LCLAT1: variants seen among roughly 807,000 people sequenced by gnomAD.
LCLAT1 encodes the protein 1-AGP acyltransferase 8.
In LCLAT1, 11 loss-of-function variants were observed where a neutral mutation model predicts 30.7. The ratio of observed to expected loss-of-function variants is 0.36; its 90% CI spans 0.23 to 0.59. LCLAT1 has a LOEUF of 0.59. Among genes scored for constraint, LCLAT1 ranks in the 20% least tolerant of loss-of-function variants. The pLI is 0.77. For missense variants in LCLAT1, 402 were observed against 458.6 expected, an observed-to-expected ratio of 0.88 and a Z score of 1.13; for synonymous variants, 155 against 151.3, an observed-to-expected ratio of 1.02 and a Z score of -0.18.
rs555286427 is a variant in LCLAT1, at chr2:30,623,638, G to C, written c.629-16479G>C. Among the ~76,000 whole-genome samples the C allele has an allele frequency of 3.9e-5, 6 of 152,068 alleles. No homozygotes were observed. In the East Asian group the frequency reaches 1.2e-3, roughly 29 times the overall value. On this transcript the variant is annotated intron_variant, in intron 5 of 5. Coordinates refer to ENST00000379509, the MANE Select transcript of LCLAT1 (RefSeq NM_001002257.3). ...GATTATGTTAAACAACAAAACCTAA[G>C]AAAAATTGGTGTTCCCAAGGAAGGG...
intron 5 of LCLAT1, among the ~76,000 whole-genome samples, chr2:30,632,838 C>T (rs1668833976): frequency 6.6e-6 from 1 of 152,178 alleles, no homozygotes. Context: ...CCTGACTGCA[C>T]CTTTTGTTCC....
intron 1 of LCLAT1, among the ~76,000 whole-genome samples, chr2:30,492,869 G>A (rs1683900907): frequency 6.6e-6 from 1 of 152,060 alleles, no homozygotes; most frequent in Non-Finnish European, 1.5e-5. Context: ...ATTTTGCACT[G>A]ACTCTGTGAA....
chr2:30,493,674 C>G (rs1683952008), intron 1 of LCLAT1, among the ~76,000 whole-genome samples: 1 of 152,278 alleles, frequency 6.6e-6, no homozygotes, highest in Non-Finnish European at 1.5e-5. Flanking sequence ...CCTTTACTGC[C>G]ACATTCTCTC....
intron 3 of LCLAT1, among the ~76,000 whole-genome samples, chr2:30,543,894 T>A (rs992454859): frequency 1.6e-4 from 25 of 152,242 alleles, no homozygotes; most frequent in South Asian, 2.1e-4. Context: ...TTTTACTGAT[T>A]TCTATTCTTA....
chr2:30,575,213 A>T lies in LCLAT1; in HGVS notation c.628+7037A>T, dbSNP rs188169870. ...GGAGTTCCCTCTTCTTATTCTCATC[A>T]TACTCTATACATTTCTGTTAATAAC... On this transcript the variant is annotated intron_variant, in intron 5 of 5. Coordinates refer to ENST00000379509, the MANE Select transcript of LCLAT1 (RefSeq NM_001002257.3). Among the ~76,000 whole-genome samples the T allele has an allele frequency of 2.0e-5, 3 of 151,538 alleles. No individual in the cohort carries two copies. In the East Asian group the frequency reaches 5.8e-4, roughly 29 times the overall value.
chr2:30,615,964 C>T (rs1181511181), intron 5 of LCLAT1, among the ~76,000 whole-genome samples: 1 of 152,168 alleles, frequency 6.6e-6, no homozygotes, highest in African/African-American at 2.4e-5. Flanking sequence ...AGACCCTTCC[C>T]TACCTTGGAA....
At chr2:30,461,067 T>C (rs1385783073) in intron 1 of LCLAT1, among the ~76,000 whole-genome samples, 2 of 152,230 alleles carry the variant, frequency 1.3e-5, no homozygotes, top group Non-Finnish European at 2.9e-5. Flanking sequence ...CTTTCACTGA[T>C]TTCTGTGAGA....
In LCLAT1 at chr2:30,611,247, G is replaced by A. The variant is rs555685060; in HGVS notation, c.629-28870G>A. ...CTATGTGAACATGATAAAGCTACAT[G>A]AATTAATTCTATGAAACCAAAGCAT... On this transcript the variant is annotated intron_variant, in intron 5 of 5. Transcript: ENST00000379509. 9.9e-5 allele frequency among the ~76,000 whole-genome samples: 15 copies of A among 151,964 alleles called. No individual in the cohort carries two copies. The East Asian group carries it at 2.9e-3, about 29-fold the overall frequency.
intron 5 of LCLAT1, among the ~76,000 whole-genome samples, chr2:30,572,862 T>C (rs1462630865): frequency 3.3e-5 from 5 of 152,064 alleles, no homozygotes; most frequent in South Asian, 2.1e-4. Flanking sequence ...CCTCCATTTC[T>C]CTAATCTTTA....
chr2:30,640,401 C>T lies in LCLAT1; in HGVS notation c.913C>T (p.Leu305Phe). The change falls in exon 6 of 6, where the codon CTT (leucine) becomes TTT (phenylalanine). Residue 305 changes from leucine (L) to phenylalanine (F), a missense_variant. By Grantham distance (22) the Leu-to-Phe change is conservative (BLOSUM62 0). Transcript: ENST00000379509. ...ACCTTGCAAGTCTGAACTCAGGGTC[C>T]TTGTGGTCAAATTGCTCTCTATACT... ...IPPCKSELRV[L>F]VVKLLSILYW... 2 of 1,614,168 alleles carry T rather than the reference C, an allele frequency of 1.2e-6. No individual in the cohort carries two copies. Among genetic ancestry groups the T allele is most frequent in the Non-Finnish European group, 1.7e-6 (2 of 1,180,028 alleles).
In LCLAT1 at chr2:30,594,230, G is replaced by A. The variant is rs1666820071; in HGVS notation, c.628+26054G>A. Among the ~76,000 whole-genome samples, 8 of 152,108 alleles carry A rather than the reference G, an allele frequency of 5.3e-5. No individual in the cohort carries two copies. In the South Asian group the frequency reaches 1.0e-3, roughly 20 times the overall value. ...TTAAAAAATCAAGTTTCATAAACTT[G>A]TTCCTGACAGAATACATGTGTTTCT... On this transcript the variant is annotated intron_variant, in intron 5 of 5. Coordinates refer to ENST00000379509, the MANE Select transcript of LCLAT1 (RefSeq NM_001002257.3).
chr2:30,595,548 T>C (rs1339214902), intron 5 of LCLAT1, among the ~76,000 whole-genome samples: 1 of 152,186 alleles, frequency 6.6e-6, no homozygotes, highest in Non-Finnish European at 1.5e-5. Context: ...CCCTGTTTCA[T>C]TCTTAACCAG....
rs767531598 is a variant in LCLAT1 at position 30,525,632 on chromosome 2, T to C, written c.42T>C (p.Phe14=). The C allele has an allele frequency of 3.1e-6, 5 of 1,614,084 alleles. No homozygotes were observed. The East Asian group carries it at 1.1e-4, about 36-fold the overall frequency. ...WKGIYFILTL[F]WGSFFGSIFM... ...GGATTTACTTTATACTGACTCTGTT[T>C]TGGGGAAGCTTTTTTGGAAGCATTT... Residue 14 remains phenylalanine, a synonymous_variant, in exon 2 of 6, where the codon TTT becomes TTC. Coordinates refer to ENST00000379509, the MANE Select transcript of LCLAT1 (RefSeq NM_001002257.3).
intron 1 of LCLAT1, among the ~76,000 whole-genome samples, chr2:30,451,338 A>G (rs1250195253): frequency 6.6e-6 from 1 of 152,248 alleles, no homozygotes; most frequent in East Asian, 1.9e-4. Context: ...CAAATGGTAC[A>G]GTCACTTTGG....
chr2:30,612,587 G>C (rs1337411662), intron 5 of LCLAT1, among the ~76,000 whole-genome samples: 1 of 152,178 alleles, frequency 6.6e-6, no homozygotes, highest in Non-Finnish European at 1.5e-5. Flanking sequence ...ATAATATAGT[G>C]ATTGCACAGA....
chr2:30,600,761 T>C (rs1372167115), intron 5 of LCLAT1, among the ~76,000 whole-genome samples: 1 of 152,158 alleles, frequency 6.6e-6, no homozygotes, highest in Non-Finnish European at 1.5e-5. Flanking sequence ...TGTGTCTTGG[T>C]CTATGATGTA....
At chr2:30,558,032 A>G (rs552545986) in intron 3 of LCLAT1, among the ~76,000 whole-genome samples, 1 of 152,304 alleles carries the variant, frequency 6.6e-6, no homozygotes, top group East Asian at 1.9e-4. Flanking sequence ...TGAAAGCTAA[A>G]ACAGTAAAGC....
At chr2:30,458,412 G>C (rs1026039108) in intron 1 of LCLAT1, among the ~76,000 whole-genome samples, 1 of 152,190 alleles carries the variant, frequency 6.6e-6, no homozygotes, top group Non-Finnish European at 1.5e-5. Context: ...GACCTTGGTA[G>C]ATTTGGGCAT....
At chr2:30,491,602 C>G (rs1307213671) in intron 1 of LCLAT1, among the ~76,000 whole-genome samples, 2 of 152,176 alleles carry the variant, frequency 1.3e-5, no homozygotes, top group African/African-American at 2.4e-5. Flanking sequence ...ATAGATAACC[C>G]ACTAGAATTT....
Sources: gnomAD v4.1 joint callset for allele counts (sites outside exome capture counted in the v4.1 genomes callset) on GRCh38, gnomAD v4.1.1 for gene constraint, MANE v1.5 for transcripts, NCBI Gene and HGNC (gene_info 2026-07-23, HGNC 2026-07-21) for gene names.